The following SYCP1 variants were observed in gnomAD, a reference collection of about 807,000 sequenced individuals.
The protein encoded by SYCP1 is cancer/testis antigen 8.
A neutral mutation model predicts 153.1 loss-of-function variants in SYCP1; 64 were observed. The observed-to-expected ratio is 0.42, with a 90% CI of 0.34 to 0.51. The LOEUF is 0.51. SYCP1 is among the 20% of genes least tolerant of loss of function. The pLI is 0.06. For missense variants in SYCP1, 997 were observed against 1,049.0 expected, an observed-to-expected ratio of 0.95 and a Z score of 0.68; for synonymous variants, 384 against 341.8, an observed-to-expected ratio of 1.12 and a Z score of -1.36.
intron 8 of SYCP1, among the ~76,000 whole-genome samples, chr1:114,865,567 G>C (rs1664687702): frequency 6.6e-6 from 1 of 152,144 alleles, no homozygotes; most frequent in Admixed American, 6.5e-5. Context: ...GATAGTTCTG[G>C]GACTTGGGTA....
chr1:114,979,384 A>C (rs1673005500), intron 28 of SYCP1, among the ~76,000 whole-genome samples: 1 of 151,816 alleles, frequency 6.6e-6, no homozygotes, highest in Non-Finnish European at 1.5e-5. Context: ...TTTGAAAAAT[A>C]CAACAGAGAA....
intron 8 of SYCP1, among the ~76,000 whole-genome samples, chr1:114,862,097 G>A (rs578236773): frequency 2.6e-5 from 4 of 151,966 alleles, no homozygotes; most frequent in East Asian, 1.9e-4. Flanking sequence ...CACTGCACCC[G>A]GCCAGGATTT....
intron 30 of SYCP1, among the ~76,000 whole-genome samples, chr1:114,988,924 G>C (rs1228667545): frequency 6.6e-6 from 1 of 152,004 alleles, no homozygotes; most frequent in Non-Finnish European, 1.5e-5. Flanking sequence ...GCTCACACCT[G>C]TAAACCCAGC....
chr1:114,901,700 A>G (rs912418949), intron 16 of SYCP1, among the ~76,000 whole-genome samples: 11 of 152,232 alleles, frequency 7.2e-5, no homozygotes, highest in African/African-American at 2.7e-4. Context: ...CATGCAAAGC[A>G]CGCTAGATTG....
intron 16 of SYCP1, among the ~76,000 whole-genome samples, chr1:114,900,597 T>C (rs1006568055): frequency 2.3e-4 from 35 of 152,106 alleles, no homozygotes; most frequent in African/African-American, 8.4e-4. Flanking sequence ...AACCTTTTAT[T>C]AAAAACACAT....
At chr1:114,878,073 T>A in intron 11 of SYCP1, 21 bp from the exon 12 acceptor site, 1 of 1,276,412 alleles carries the variant, frequency 7.8e-7, no homozygotes, top group South Asian at 1.3e-5. Context: ...ATATTGATAA[T>A]GTATTATTTA....
chr1:114,958,727 T>C (rs944937687), intron 27 of SYCP1, among the ~76,000 whole-genome samples: 1 of 144,822 alleles, frequency 6.9e-6, no homozygotes, highest in African/African-American at 2.6e-5. Flanking sequence ...GAGTCCATCC[T>C]GGCTAACACG....
At chr1:114,938,479 A>G (rs1013057906) in intron 23 of SYCP1, among the ~76,000 whole-genome samples, 4 of 152,148 alleles carry the variant, frequency 2.6e-5, no homozygotes, top group South Asian at 2.1e-4. Context: ...GCACACCAAC[A>G]TGGCACATGT....
In SYCP1 at chr1:114,944,965, C is replaced by G; in HGVS notation, c.2137C>G (p.Leu713Val). ...CQHKIAEMVA[L>V]MEKHKHQYDK... ...ACATAAAATAGCTGAAATGGTAGCA[C>G]TTATGGAAAAACATAAGGTAATTTT... Residue 713 changes from leucine (L) to valine (V), a missense_variant, in exon 25 of 32, where the codon CTT becomes GTT. Physicochemically the swap from Leu to Val is conservative, Grantham distance 32. Around this residue, in one of 2 missense-constraint regions of SYCP1, gnomAD observed 712 missense variants for 682.9 expected, o/e 1.04. Coordinates refer to ENST00000369522, the MANE Select transcript of SYCP1 (RefSeq NM_003176.4). The G allele has an allele frequency of 6.3e-7, 1 of 1,581,784 alleles. No individual in the cohort carries two copies. The highest frequency in any genetic ancestry group is 8.6e-7 in the Non-Finnish European group (1 of 1,168,974).
intron 9 of SYCP1, 84 bp downstream of exon 9, chr1:114,874,648 A>C (rs1665390824): frequency 9.2e-6 from 7 of 761,602 alleles, no homozygotes; most frequent in Non-Finnish European, 1.5e-5. Context: ...ATGGACAACT[A>C]TTCTTACTAA....
chr1:114,913,853 AT>A (rs970146486), intron 19 of SYCP1, 121 bp from the exon 20 acceptor site: 6 of 655,452 alleles, frequency 9.2e-6, no homozygotes, highest in African/African-American at 3.8e-5. Flanking sequence ...TGAAAAGCCC[AT>A]TTTTTTGCTT....
rs1263358292 is a variant in SYCP1, at chr1:114,944,361, T to C, written c.1949T>C (p.Leu650Pro). The change falls in exon 24 of 32, where the codon CTA (leucine) becomes CCA (proline). Residue 650 changes from leucine (L) to proline (P), a missense_variant. By Grantham distance (98) the Leu-to-Pro change is moderately conservative (BLOSUM62 -3). Coordinates refer to ENST00000369522, the MANE Select transcript of SYCP1 (RefSeq NM_003176.4). ...AAGGTCAATAAATTAGAGTTAGAAC[T>C]AGAAAGTGCCAAACAGAAATTTGGA... ...EIKVNKLELE[L>P]ESAKQKFGEI... 1.2e-5 allele frequency: 20 copies of C among 1,604,134 alleles called. No homozygotes were observed. The highest frequency in any genetic ancestry group is 1.6e-5 in the Non-Finnish European group (19 of 1,174,786).
At chr1:114,990,432 G>GA (rs1235639168) in intron 30 of SYCP1, among the ~76,000 whole-genome samples, 3 of 151,152 alleles carry the variant, frequency 2.0e-5, no homozygotes, top group East Asian at 1.9e-4. Context: ...TAAAGAACTA[G>GA]AAAAAAAAGA....
chr1:114,926,485 TTTTTAA>T lies in SYCP1; in HGVS notation c.1864-9_1864-4del. On this transcript the variant is annotated splice_polypyrimidine_tract_variant and intron_variant, in intron 22 of 31. Transcript: ENST00000369522. ...ATAACTTTAGTACTAAATATAATTA[TTTTTAA>T]TTTTAACAGAATAAGGCCTTGAAAA... 1 of 1,544,176 alleles carries T rather than the reference TTTTTAA, an allele frequency of 6.5e-7. No individual in the cohort carries two copies. Among genetic ancestry groups the T allele is most frequent in the Non-Finnish European group, 8.7e-7 (1 of 1,146,672 alleles).
chr1:114,947,811 C>CCAA (rs1413794208), intron 27 of SYCP1, among the ~76,000 whole-genome samples: 30 of 43,882 alleles, frequency 6.8e-4, no homozygotes, highest in African/African-American at 1.5e-3. Flanking sequence ...GACTCCGTCT[C>CCAA]AAAAAAAAAA....
At chr1:114,933,137 G>A (rs976924860) in intron 23 of SYCP1, among the ~76,000 whole-genome samples, 2 of 152,152 alleles carry the variant, frequency 1.3e-5, no homozygotes, top group African/African-American at 4.8e-5. Context: ...TAACTGGGAG[G>A]CACCTCCCAG....
At position 114,951,798 on chromosome 1, in the gene SYCP1, C is replaced by A. The variant is rs377196701; in HGVS notation, c.2322+4478C>A. On this transcript the variant is annotated intron_variant, in intron 27 of 31. Transcript: ENST00000369522. ...TCATATTGCCCTTTTATAGCCACATCCACCTCCCTCCCCCACCCCTGGCAA... is the reference window on the plus strand; with the variant it reads ...TCATATTGCCCTTTTATAGCCACATACACCTCCCTCCCCCACCCCTGGCAA... 3.9e-5 allele frequency among the ~76,000 whole-genome samples: 6 copies of A among 152,230 alleles called. No homozygotes were observed. The South Asian group carries it at 1.0e-3, about 26-fold the overall frequency.
chr1:114,863,949 A>T (rs866685862), intron 8 of SYCP1, among the ~76,000 whole-genome samples: 54 of 147,160 alleles, frequency 3.7e-4, no homozygotes, highest in Non-Finnish European at 7.5e-5. Context: ...AGGGAGGGGA[A>T]CATCACACAC....
chr1:114,936,284 A>G (rs1670005404), intron 23 of SYCP1, among the ~76,000 whole-genome samples: 1 of 152,230 alleles, frequency 6.6e-6, no homozygotes, highest in Admixed American at 6.5e-5. Context: ...TCACATAAAC[A>G]GAACCAAAGA....
Sources: allele counts gnomAD v4.1 joint callset (sites outside exome capture counted in the v4.1 genomes callset), GRCh38; gene constraint gnomAD v4.1.1; regional missense constraint gnomAD v4.1.1; transcripts MANE v1.5; gene names NCBI Gene and HGNC (gene_info 2026-07-23, HGNC 2026-07-21).